Variants in BRSK2 observed in about 807,000 individuals in gnomAD.
The protein encoded by BRSK2 is BR serine/threonine kinase 2.
In BRSK2, 19 loss-of-function variants were observed where a neutral mutation model predicts 83.3. The ratio of observed to expected loss-of-function variants is 0.23; its 90% CI spans 0.16 to 0.33. The LOEUF (loss-of-function observed/expected upper bound fraction) is 0.33, where lower values mean the gene tolerates loss of function less well. BRSK2 is among the 10% of genes least tolerant of loss of function. The probability of loss-of-function intolerance (pLI) is 1.00; values close to 1 mark genes in which losing one functional copy is unlikely to be tolerated. For synonymous variants in BRSK2, 519 were observed against 435.4 expected, an observed-to-expected ratio of 1.19 and a Z score of -2.39; for missense variants, 798 against 1,042.3, an observed-to-expected ratio of 0.77 and a Z score of 3.23.
rs753081428 is a variant in BRSK2, at chr11:1,454,447, C to T, written c.1545-38C>T. The T allele has an allele frequency of 4.2e-5, 68 of 1,611,044 alleles. No homozygotes were observed. The Admixed American group carries it at 9.8e-4, about 23-fold the overall frequency. ...GGAGGCAGGGGTGTGGACGGTGCCA[C>T]ACCTCAATCCTCACAGCCTCTGTCT... On this transcript the variant is annotated intron_variant, in intron 15 of 19. Transcript: ENST00000528841. This position sits in a 1 kb window ranked among gnomAD's most constrained non-coding sequence, Gnocchi z 5.2.
chr11:1,436,003 C>G, intron 1 of BRSK2, 37 bp from the exon 2 acceptor site: 1 of 1,539,402 alleles, frequency 6.5e-7, no homozygotes, highest in Non-Finnish European at 8.9e-7. Context: ...TGCAGGCACC[C>G]TGGGTGGGTC....
At chr11:1,458,845 C>T (rs753695541) in intron 18 of BRSK2, among the ~76,000 whole-genome samples, 28 of 152,198 alleles carry the variant, frequency 1.8e-4, no homozygotes, top group Admixed American at 8.5e-4. Context: ...ATGCAGGCCA[C>T]GGCCAGGGCA....
At chr11:1,458,521 G>A (rs148770430) in intron 18 of BRSK2, among the ~76,000 whole-genome samples, 33 of 152,264 alleles carry the variant, frequency 2.2e-4, no homozygotes, top group African/African-American at 7.2e-4. Context: ...TGTGGAAGGT[G>A]GCTAGCCAGC....
chr11:1,456,158 G>A (rs1437830013), intron 16 of BRSK2, among the ~76,000 whole-genome samples, 190 bp from the exon 17 acceptor site: 1 of 152,136 alleles, frequency 6.6e-6, no homozygotes, highest in Admixed American at 6.5e-5. Flanking sequence ...GCTTTGGAGG[G>A]TGGGGGCTGG....
rs775072179 is a variant in BRSK2, at chr11:1,460,739, C to CA, written c.*16_*17insA. Reference sequence around the variant, plus strand: ...GCAGCCTTAGACACACTAGCCCCCCCCCCCAGCACAGCACTGACAGCGGCT... The same window carrying CA: ...GCAGCCTTAGACACACTAGCCCCCCCACCCCAGCACAGCACTGACAGCGGCT... On this transcript the variant is annotated 3_prime_UTR_variant, in exon 20 of 20. Coordinates refer to ENST00000528841, the MANE Select transcript of BRSK2 (RefSeq NM_001256627.2). 23 of 1,410,370 alleles carry CA rather than the reference C, an allele frequency of 1.6e-5. No homozygotes were observed. The South Asian group carries it at 2.6e-4, about 16-fold the overall frequency. 87.4% of individuals were successfully genotyped at this position (1,410,370 alleles called of 1,614,324 possible).
At position 1,454,257 on chromosome 11, in the gene BRSK2, A is replaced by C; in HGVS notation, c.1545-228A>C. The C allele has an allele frequency of 2.1e-6, 1 of 470,292 alleles. No individual in the cohort carries two copies. 29.1% of individuals were successfully genotyped at this position (470,292 alleles called of 1,614,324 possible). ...GGGTCAGGGCGTTAGGGCTTGGAGA[A>C]AGGTTAGGGTTGGGGTTGGGGTTAG... On this transcript the variant is annotated intron_variant, in intron 15 of 19. Coordinates refer to ENST00000528841, the MANE Select transcript of BRSK2 (RefSeq NM_001256627.2). The surrounding 1 kb of genome is among the most constrained non-coding windows in gnomAD (Gnocchi z 5.2).
intron 1 of BRSK2, among the ~76,000 whole-genome samples, chr11:1,428,404 C>T (rs545994855): frequency 3.9e-5 from 6 of 152,350 alleles, no homozygotes; most frequent in African/African-American, 1.4e-4. Context: ...GGAATGCCTT[C>T]TTCCATGTGG....
chr11:1,399,710 G>A (rs982663845), intron 1 of BRSK2, among the ~76,000 whole-genome samples: 1 of 152,162 alleles, frequency 6.6e-6, no homozygotes, highest in Non-Finnish European at 1.5e-5. Context: ...CTGTGGCCCT[G>A]CCTTCTGCCG....
chr11:1,440,876 T>C lies in BRSK2; in HGVS notation c.361T>C (p.Phe121Leu). 6.2e-7 allele frequency: 1 copy of C among 1,609,278 alleles called. No homozygotes were observed. The highest frequency in any genetic ancestry group is 8.5e-7 in the Non-Finnish European group (1 of 1,178,368). ...GRLTPKEARKFFRQIISALDF... is the reference protein window; with the variant it reads ...GRLTPKEARKLFRQIISALDF... ...GCTGACGCCTAAGGAGGCTCGGAAGTTCTTCCGGCAGATCATCTCTGCGCT... is the reference window on the plus strand; with the variant it reads ...GCTGACGCCTAAGGAGGCTCGGAAGCTCTTCCGGCAGATCATCTCTGCGCT... The change falls in exon 4 of 20, where the codon TTC becomes CTC. Residue 121 changes from phenylalanine (F) to leucine (L), a missense_variant. Phe to Leu is a conservative substitution (Grantham distance 22). Transcript: ENST00000528841.
At chr11:1,424,345 C>G (rs1180980971) in intron 1 of BRSK2, among the ~76,000 whole-genome samples, 2 of 152,176 alleles carry the variant, frequency 1.3e-5, no homozygotes, top group African/African-American at 4.8e-5. Flanking sequence ...CTGGGTGGGT[C>G]TGAGTGTGGG....
At position 1,425,630 on chromosome 11, in the gene BRSK2, G is replaced by A. The variant is rs529694010; in HGVS notation, c.92-10410G>A. Reference sequence around the variant, plus strand: ...GGGAGGCTCTTCACCTACAGGGGACGCATTCAGCACCGAGGTCAGCAGCCC... The same window carrying A: ...GGGAGGCTCTTCACCTACAGGGGACACATTCAGCACCGAGGTCAGCAGCCC... On this transcript the variant is annotated intron_variant, in intron 1 of 19. Coordinates refer to ENST00000528841, the MANE Select transcript of BRSK2 (RefSeq NM_001256627.2). Among the ~76,000 whole-genome samples the A allele has an allele frequency of 8.3e-4, 127 of 152,274 alleles. 1 individual carries two copies. The highest frequency in any genetic ancestry group is 1.3e-3 in the Non-Finnish European group (88 of 68,016).
At chr11:1,418,937 G>C (rs1237717684) in intron 1 of BRSK2, among the ~76,000 whole-genome samples, 1 of 152,176 alleles carries the variant, frequency 6.6e-6, no homozygotes, top group African/African-American at 2.4e-5. Context: ...TTTTTCTGTA[G>C]TGCCATAAGT....
chr11:1,452,552 G>A (rs1845925807), intron 15 of BRSK2, among the ~76,000 whole-genome samples: 1 of 152,230 alleles, frequency 6.6e-6, no homozygotes, highest in Non-Finnish European at 1.5e-5. Context: ...CCCATCTTGA[G>A]ATGGCCTGGA....
At chr11:1,408,777 G>T (rs200164715) in intron 1 of BRSK2, among the ~76,000 whole-genome samples, 1 of 60,272 alleles carries the variant, frequency 1.7e-5, no homozygotes, top group East Asian at 5.2e-4. Flanking sequence ...GTGTGTGTGT[G>T]TTTGGCTGTG....
chr11:1,421,186 TG>T (rs1447032561), intron 1 of BRSK2, among the ~76,000 whole-genome samples: 1 of 152,168 alleles, frequency 6.6e-6, no homozygotes, highest in African/African-American at 2.4e-5. Context: ...AGGGACAGTG[TG>T]GGGGCTCTCA....
At chr11:1,439,848 C>T (rs1850933651) in intron 3 of BRSK2, among the ~76,000 whole-genome samples, 2 of 150,652 alleles carry the variant, frequency 1.3e-5, no homozygotes, top group African/African-American at 4.9e-5. Flanking sequence ...TCACACCTTC[C>T]CCTGCCCTGG....
chr11:1,457,228 G>A (rs1335673067), intron 18 of BRSK2, among the ~76,000 whole-genome samples: 1 of 152,176 alleles, frequency 6.6e-6, no homozygotes, highest in Non-Finnish European at 1.5e-5. Flanking sequence ...GGAGAGCAGT[G>A]ACAAGGCCCT....
At chr11:1,451,504 C>A (rs938813437) in intron 15 of BRSK2, 85 bp downstream of exon 15, 63 of 1,403,750 alleles carry the variant, frequency 4.5e-5, no homozygotes, top group Non-Finnish European at 6.1e-5. Context: ...CTATGGCCAA[C>A]GGGGTGCTCC....
At chr11:1,410,279 G>T (rs1847305596) in intron 1 of BRSK2, among the ~76,000 whole-genome samples, 1 of 69,638 alleles carries the variant, frequency 1.4e-5, no homozygotes, top group Non-Finnish European at 2.6e-5. Flanking sequence ...TCCGTGTTTG[G>T]GGGGGTTTGT....
Sources: gnomAD v4.1 joint callset for allele counts (sites outside exome capture counted in the v4.1 genomes callset) on GRCh38, gnomAD v4.1.1 for gene constraint, Gnocchi (gnomAD v3.1) non-coding constraint, MANE v1.5 for transcripts, NCBI Gene and HGNC (gene_info 2026-07-23, HGNC 2026-07-21) for gene names.